The following DPP10 variants were observed in gnomAD, a reference collection of about 807,000 sequenced individuals.
The protein encoded by DPP10 is inactive dipeptidyl peptidase 10.
DPP10 carries 33 observed loss-of-function variants against 120.9 expected under a neutral mutation model. That is an observed-to-expected ratio of 0.27 (90% CI 0.21 to 0.37). The LOEUF (loss-of-function observed/expected upper bound fraction) is 0.37. Ranked by LOEUF, DPP10 falls within the 10% of genes least tolerant of loss-of-function variation. The pLI is 1.00. For missense variants in DPP10, 816 were observed against 942.8 expected, an observed-to-expected ratio of 0.87 and a Z score of 1.76; for synonymous variants, 337 against 326.1, an observed-to-expected ratio of 1.03 and a Z score of -0.36.
chr2:115,612,639 G>C (rs1156999508), intron 5 of DPP10, among the ~76,000 whole-genome samples: 3 of 152,082 alleles, frequency 2.0e-5, no homozygotes, highest in Non-Finnish European at 4.4e-5. Flanking sequence ...TGGGTATTTG[G>C]AATCTCATTT....
At chr2:114,601,849 C>T (rs1290607198) in intron 1 of DPP10, among the ~76,000 whole-genome samples, 1 of 151,906 alleles carries the variant, frequency 6.6e-6, no homozygotes, top group East Asian at 1.9e-4. Flanking sequence ...GCCACTAATG[C>T]AGACCTTAAA....
At chr2:114,825,965 G>C (rs778483557) in intron 1 of DPP10, among the ~76,000 whole-genome samples, 4 of 152,172 alleles carry the variant, frequency 2.6e-5, no homozygotes, top group Admixed American at 6.5e-5. Context: ...CAAATTAGAA[G>C]TTACTCTTTT....
chr2:115,567,925 C>G (rs2081101818), intron 5 of DPP10, among the ~76,000 whole-genome samples: 1 of 152,294 alleles, frequency 6.6e-6, no homozygotes, highest in East Asian at 1.9e-4. Flanking sequence ...CCTGTAATCC[C>G]AGCACTTTGG....
chr2:115,261,071 C>A (rs189958347), intron 1 of DPP10, among the ~76,000 whole-genome samples: 2 of 152,184 alleles, frequency 1.3e-5, no homozygotes, highest in Non-Finnish European at 2.9e-5. Context: ...TAAATTCAAA[C>A]CACCTTAGTG....
chr2:114,863,190 G>A (rs1689963052), intron 1 of DPP10, among the ~76,000 whole-genome samples: 1 of 152,144 alleles, frequency 6.6e-6, no homozygotes, highest in African/African-American at 2.4e-5. Context: ...TCCATGCCTT[G>A]ATGGCTAATA....
Position 115,227,923 on chromosome 2 carries a change from CCT to C in DPP10, c.61-81315_61-81314del, listed in dbSNP as rs1491404727. Reference sequence around the variant, plus strand: ...GAGATACATCCGATTTCTTTTTTTTCCTTTTTTTTTTTTTTGGAGACAGGGTG... The same window carrying C: ...GAGATACATCCGATTTCTTTTTTTTCTTTTTTTTTTTTTGGAGACAGGGTG... On this transcript the variant is annotated intron_variant, in intron 1 of 25. Coordinates refer to ENST00000410059, the MANE Select transcript of DPP10 (RefSeq NM_020868.6). Among the ~76,000 whole-genome samples the C allele has an allele frequency of 8.5e-5, 8 of 93,700 alleles. No homozygotes were observed. The Admixed American group carries it at 1.2e-3, about 14-fold the overall frequency. The allele number at this position is 93,700 out of a possible 152,430, so 61.5% of individuals were successfully genotyped here.
At chr2:115,265,166 A>G (rs1057315235) in intron 1 of DPP10, among the ~76,000 whole-genome samples, 2 of 152,056 alleles carry the variant, frequency 1.3e-5, no homozygotes, top group Non-Finnish European at 2.9e-5. Flanking sequence ...AGCACCATGA[A>G]TAAAATTTGA....
chr2:114,659,607 G>T (rs763653730), intron 1 of DPP10, among the ~76,000 whole-genome samples: 4 of 151,984 alleles, frequency 2.6e-5, no homozygotes, highest in Non-Finnish European at 5.9e-5. Flanking sequence ...CTGCAGAAAT[G>T]TGCCCTTTAT....
At chr2:115,087,533 C>CTTTTTTTTTTTTTTTTTTTTTTTTTTTTT (rs1310507943) in intron 1 of DPP10, among the ~76,000 whole-genome samples, 9 of 92,586 alleles carry the variant, frequency 9.7e-5, no homozygotes, top group Non-Finnish European at 1.8e-4. Context: ...CTTTTCTTTT[C>CTTTTTTTTTTTTTTTTTTTTTTTTTTTTT]TTTTCTTTTT....
chr2:115,286,526 A>ATATATATTATATATATAT (rs10675008), intron 1 of DPP10, among the ~76,000 whole-genome samples: 1 of 60,946 alleles, frequency 1.6e-5, no homozygotes, highest in South Asian at 5.1e-4. Context: ...ATATATATAT[A>ATATATATTATATATATAT]ATATATATAT....
chr2:115,020,450 C>T (rs1379706968), intron 1 of DPP10, among the ~76,000 whole-genome samples: 1 of 152,094 alleles, frequency 6.6e-6, no homozygotes, highest in Non-Finnish European at 1.5e-5. Flanking sequence ...AATAGTCCAA[C>T]AGGAAAATAT....
intron 3 of DPP10, among the ~76,000 whole-genome samples, chr2:115,430,660 A>G (rs2070890319): frequency 6.6e-6 from 1 of 152,200 alleles, no homozygotes; most frequent in Admixed American, 6.5e-5. Context: ...AGAAACAGCT[A>G]AATTGATAAT....
intron 3 of DPP10, among the ~76,000 whole-genome samples, chr2:115,454,123 C>T (rs2073338466): frequency 6.6e-6 from 1 of 151,468 alleles, no homozygotes; most frequent in African/African-American, 2.4e-5. Flanking sequence ...TGGCCTTATT[C>T]AAAATTCTGT....
At chr2:114,583,553 A>G (rs1185457316) in intron 1 of DPP10, among the ~76,000 whole-genome samples, 1 of 152,232 alleles carries the variant, frequency 6.6e-6, no homozygotes, top group Non-Finnish European at 1.5e-5. Context: ...CCTAAAATGT[A>G]GATGAGTCTG....
intron 1 of DPP10, among the ~76,000 whole-genome samples, chr2:115,169,173 T>A (rs2053123187): frequency 6.6e-6 from 1 of 152,168 alleles, no homozygotes; most frequent in South Asian, 2.1e-4. Flanking sequence ...ACTAGGCAAT[T>A]TATAATCCCA....
At chr2:115,656,215 T>A (rs1291860736) in intron 5 of DPP10, among the ~76,000 whole-genome samples, 1 of 151,380 alleles carries the variant, frequency 6.6e-6, no homozygotes, top group Non-Finnish European at 1.5e-5. Flanking sequence ...TATATGCATA[T>A]TTTTAAACTA....
chr2:114,703,587 T>C (rs1700511930), intron 1 of DPP10, among the ~76,000 whole-genome samples: 1 of 152,212 alleles, frequency 6.6e-6, no homozygotes, highest in African/African-American at 2.4e-5. Flanking sequence ...TAATTCAGCA[T>C]GTGTGATTTT....
chr2:115,138,224 C>A (rs2050747811), intron 1 of DPP10, among the ~76,000 whole-genome samples: 1 of 152,034 alleles, frequency 6.6e-6, no homozygotes, highest in Non-Finnish European at 1.5e-5. Context: ...CACATCACTG[C>A]ATTTTAATCT....
intron 1 of DPP10, among the ~76,000 whole-genome samples, chr2:115,058,420 T>C (rs1310452571): frequency 6.6e-6 from 1 of 152,152 alleles, no homozygotes; most frequent in Non-Finnish European, 1.5e-5. Context: ...TTTTATTTTA[T>C]TTTATTTTTC....
Sources: gnomAD v4.1 joint callset for allele counts (sites outside exome capture counted in the v4.1 genomes callset) on GRCh38, gnomAD v4.1.1 for gene constraint, MANE v1.5 for transcripts, NCBI Gene and HGNC (gene_info 2026-07-23, HGNC 2026-07-21) for gene names.